MAP2K6: variants seen among roughly 807,000 people sequenced by gnomAD.
MAP2K6 encodes dual specificity mitogen-activated protein kinase kinase 6.
Under a neutral mutation model 53.7 loss-of-function variants are expected in MAP2K6, and 16 were observed. That is an observed-to-expected ratio of 0.30 (90% CI 0.20 to 0.45). The LOEUF (loss-of-function observed/expected upper bound fraction) is 0.45, where lower values mean the gene tolerates loss of function less well. Among genes scored for constraint, MAP2K6 ranks in the 20% least tolerant of loss-of-function variants. The pLI, the probability that MAP2K6 is intolerant of heterozygous loss-of-function variation, is 1.00. For synonymous variants in MAP2K6, 132 were observed against 143.1 expected (o/e 0.92, Z 0.55); for missense variants, 204 against 411.9 (o/e 0.50, Z 4.37).
chr17:69,541,428 C>CT (rs568396620), intron 11 of MAP2K6, among the ~76,000 whole-genome samples: 7,177 of 152,070 alleles, frequency 0.047, 569 homozygotes, highest in African/African-American at 0.16. Context: ...CATAATTACA[C>CT]TTTTTTTTAA....
intron 1 of MAP2K6, 83 bp downstream of exon 1, chr17:69,415,083 C>A (rs900261626): frequency 6.2e-5 from 84 of 1,349,396 alleles, no homozygotes; most frequent in Non-Finnish European, 1.8e-5. Context: ...TTTCGCCTGG[C>A]GAGTGCATTT....
intron 1 of MAP2K6, among the ~76,000 whole-genome samples, chr17:69,430,094 A>T (rs1906408202): frequency 6.6e-6 from 1 of 152,180 alleles, no homozygotes; most frequent in African/African-American, 2.4e-5. Context: ...TGGGAGGCTG[A>T]GGTGGGTGAG....
At chr17:69,532,634 T>C (rs1381567658) in intron 10 of MAP2K6, among the ~76,000 whole-genome samples, 1 of 152,236 alleles carries the variant, frequency 6.6e-6, no homozygotes, top group Non-Finnish European at 1.5e-5. Context: ...CCTGAGTGTA[T>C]TGCTATTCTT....
chr17:69,476,172 A>G (rs1311604940), intron 1 of MAP2K6, among the ~76,000 whole-genome samples: 1 of 152,136 alleles, frequency 6.6e-6, no homozygotes, highest in Admixed American at 6.5e-5. Context: ...ATGTGTGAAG[A>G]CATATATATG....
intron 1 of MAP2K6, among the ~76,000 whole-genome samples, chr17:69,460,839 A>G (rs1177987785): frequency 6.6e-6 from 1 of 152,114 alleles, no homozygotes; most frequent in East Asian, 1.9e-4. Context: ...GGCTCAAGAG[A>G]TCCACCTGCC....
chr17:69,423,512 G>GAA (rs1906164771), intron 1 of MAP2K6, among the ~76,000 whole-genome samples: 1 of 152,072 alleles, frequency 6.6e-6, no homozygotes, highest in Non-Finnish European at 1.5e-5. Flanking sequence ...CGAATACTGG[G>GAA]GTCTCTTCAT....
At chr17:69,417,788 G>A (rs1333806444) in intron 1 of MAP2K6, among the ~76,000 whole-genome samples, 1 of 152,174 alleles carries the variant, frequency 6.6e-6, no homozygotes, top group African/African-American at 2.4e-5. Context: ...ATCTCCGGAG[G>A]GAGGGAGAGA....
chr17:69,506,583 C>T (rs1391572502), intron 2 of MAP2K6, among the ~76,000 whole-genome samples: 1 of 152,050 alleles, frequency 6.6e-6, no homozygotes, highest in Non-Finnish European at 1.5e-5. Context: ...GAGAGGGCAT[C>T]CTAATGGAAA....
At chr17:69,420,535 TAA>T (rs1314720028) in intron 1 of MAP2K6, among the ~76,000 whole-genome samples, 1 of 152,220 alleles carries the variant, frequency 6.6e-6, no homozygotes, top group African/African-American at 2.4e-5. Flanking sequence ...ATCCTGATAT[TAA>T]GTGATAGAAT....
intron 10 of MAP2K6, among the ~76,000 whole-genome samples, chr17:69,530,143 T>C (rs1272922499): frequency 1.4e-4 from 22 of 152,092 alleles, no homozygotes; most frequent in Admixed American, 1.4e-3. Context: ...AACAATACTC[T>C]GTCTCTACAA....
chr17:69,521,165 G>A (rs540472624), intron 7 of MAP2K6, 65 bp downstream of exon 7: 180 of 1,444,892 alleles, frequency 1.2e-4, no homozygotes, highest in Middle Eastern at 3.5e-4. Flanking sequence ...CCTGGAGTCC[G>A]TCTCTACCCC....
chr17:69,459,058 T>C (rs1373885717), intron 1 of MAP2K6, among the ~76,000 whole-genome samples: 1 of 152,206 alleles, frequency 6.6e-6, no homozygotes, highest in African/African-American at 2.4e-5. Flanking sequence ...AGAGAGAAAT[T>C]GGATCTTACT....
intron 2 of MAP2K6, 66 bp downstream of exon 2, chr17:69,505,912 T>C (rs1909446787): frequency 2.3e-5 from 32 of 1,397,784 alleles, no homozygotes; most frequent in Non-Finnish European, 3.0e-5. Flanking sequence ...TGGGGGTTTA[T>C]TTTTGGACTG....
intron 10 of MAP2K6, 181 bp from the exon 11 acceptor site, chr17:69,535,934 A>G (rs1911333769): frequency 9.2e-6 from 5 of 545,820 alleles, no homozygotes; most frequent in South Asian, 8.0e-5. Context: ...TTAAGGCACA[A>G]CCAGGGTGAT....
rs1380065022 is a variant in MAP2K6 at position 69,546,511 on chromosome 17, T to C, written c.*4758T>C. ...GTTGACCAAGGGGCTTTATTAATTA[T>C]GCTCAGAGAAACAATTCTGTTTCTC... On this transcript the variant is annotated 3_prime_UTR_variant, in exon 12 of 12. Coordinates refer to ENST00000590474, the MANE Select transcript of MAP2K6 (RefSeq NM_002758.4). 6.6e-6 allele frequency: 1 copy of C among 152,200 alleles called. No homozygotes were observed. 9.4% of individuals were successfully genotyped at this position (152,200 alleles called of 1,614,324 possible).
At chr17:69,451,754 G>A (rs527717273) in intron 1 of MAP2K6, among the ~76,000 whole-genome samples, 25 of 152,306 alleles carry the variant, frequency 1.6e-4, no homozygotes, top group Non-Finnish European at 2.8e-4. Flanking sequence ...CCTGTGCTGA[G>A]CATGACTGGA....
At chr17:69,495,181 TTC>T (rs1445387510) in intron 1 of MAP2K6, among the ~76,000 whole-genome samples, 3 of 152,094 alleles carry the variant, frequency 2.0e-5, no homozygotes, top group Non-Finnish European at 4.4e-5. Context: ...TTTTCTGTGA[TTC>T]TGTTACTATT....
intron 1 of MAP2K6, among the ~76,000 whole-genome samples, chr17:69,461,857 C>T (rs935541766): frequency 1.3e-5 from 2 of 152,098 alleles, no homozygotes; most frequent in Non-Finnish European, 2.9e-5. Context: ...TCACACATTA[C>T]CAAATAAAAA....
chr17:69,532,959 C>T (rs968808094), intron 10 of MAP2K6, among the ~76,000 whole-genome samples: 2 of 152,016 alleles, frequency 1.3e-5, no homozygotes, highest in African/African-American at 2.4e-5. Flanking sequence ...GATACAGTCT[C>T]ACCCTGTTGC....
Sources: allele counts gnomAD v4.1 joint callset (sites outside exome capture counted in the v4.1 genomes callset), GRCh38; gene constraint gnomAD v4.1.1; transcripts MANE v1.5; gene names NCBI Gene and HGNC (gene_info 2026-07-23, HGNC 2026-07-21).